Variants in ACOT6 observed in about 807,000 individuals in gnomAD.
ACOT6 encodes the protein acyl-CoA thioesterase 6, also known as acyl-coenzyme A thioesterase 6.
In ACOT6, 14 loss-of-function variants were observed where a neutral mutation model predicts 12.3. The ratio of observed to expected loss-of-function variants is 1.14; its 90% confidence interval spans 0.75 to 1.78. The LOEUF (loss-of-function observed/expected upper bound fraction) is 1.78, where lower values mean the gene tolerates loss of function less well. Among genes scored for constraint, ACOT6 ranks in the 40% most tolerant of loss-of-function variants. The probability of loss-of-function intolerance (pLI) is 0.00; values close to 1 mark genes in which losing one functional copy is unlikely to be tolerated. For synonymous variants in ACOT6, 218 were observed against 231.3 expected, an observed-to-expected ratio of 0.94 and a Z score of 0.52; for missense variants, 523 against 551.8, an observed-to-expected ratio of 0.95 and a Z score of 0.52.
chr14:73,615,479 C>T (rs1156468650), intron 1 of ACOT6, among the ~76,000 whole-genome samples: 1 of 150,756 alleles, frequency 6.6e-6, no homozygotes, highest in Non-Finnish European at 1.5e-5. Context: ...GCCTGTAATC[C>T]CAACACTTCG....
chr14:73,617,524 A>G (rs1368397361), intron 2 of ACOT6, among the ~76,000 whole-genome samples: 2 of 152,166 alleles, frequency 1.3e-5, no homozygotes, highest in Admixed American at 1.3e-4. Context: ...AGACTTGACT[A>G]TTTAGTTGTC....
chr14:73,619,362 T>C lies in ACOT6; in HGVS notation c.789T>C (p.Ala263=). 1 of 1,614,174 alleles carries C rather than the reference T, an allele frequency of 6.2e-7. No homozygotes were observed. The highest frequency in any genetic ancestry group is 8.5e-7 in the Non-Finnish European group (1 of 1,180,042). Residue 263 remains alanine, a synonymous_variant, in exon 3 of 3, where the codon GCT becomes GCC. Coordinates refer to ENST00000645972, the MANE Select transcript of ACOT6 (RefSeq NM_001365788.1). ...LINACVANTV[A]PLHYKDMIIP... ...ATGCCTGTGTAGCCAACACAGTAGC[T>C]CCTCTACATTACAAGGATATGATTA...
Position 73,617,060 on chromosome 14 carries a change from C to G in ACOT6, c.528C>G (p.Ser176Arg). 1.5e-6 allele frequency: 2 copies of G among 1,315,808 alleles called. No individual in the cohort carries two copies. The highest frequency in any genetic ancestry group is 1.1e-6 in the Non-Finnish European group (1 of 911,472). The allele number at this position is 1,315,808 out of a possible 1,614,324, so 81.5% of individuals were successfully genotyped here. The change falls in exon 2 of 3, where the codon AGC becomes AGG. Residue 176 changes from serine to arginine, a missense_variant. Coordinates refer to ENST00000645972, the MANE Select transcript of ACOT6 (RefSeq NM_001365788.1). ...GGGGCCTTTGTGAATACAGGGCCAGCCTCCTGGCCGGACATGGTTTTGCTG... is the reference window on the plus strand; with the variant it reads ...GGGGCCTTTGTGAATACAGGGCCAGGCTCCTGGCCGGACATGGTTTTGCTG... ...SSRGLCEYRA[S>R]LLAGHGFAVL... is the part of the protein sequence containing the mutation.
chr14:73,615,607 G>GTAA (rs1039879043), intron 1 of ACOT6, among the ~76,000 whole-genome samples: 1 of 151,856 alleles, frequency 6.6e-6, no homozygotes, highest in African/African-American at 2.4e-5. Context: ...GCACATGCCT[G>GTAA]TAATACCAAC....
At chr14:73,618,623 GAAAAT>G (rs58429599) in intron 2 of ACOT6, among the ~76,000 whole-genome samples, 78,917 of 148,624 alleles carry the variant, frequency 0.53, 22,092 homozygotes, top group East Asian at 0.85. Context: ...CAAGGCAGGA[GAAAAT>G]AATATACTGT....
chr14:73,617,974 A>G (rs977249532), intron 2 of ACOT6, among the ~76,000 whole-genome samples: 1 of 151,436 alleles, frequency 6.6e-6, no homozygotes, highest in Non-Finnish European at 1.5e-5. Context: ...GTGAAACCCC[A>G]TCTACTAAAG....
At chr14:73,614,129 A>C (rs1383524845) in intron 1 of ACOT6, among the ~76,000 whole-genome samples, 1 of 151,724 alleles carries the variant, frequency 6.6e-6, no homozygotes, top group East Asian at 1.9e-4. Context: ...TGATATCAGG[A>C]AGTAGAGGTT....
At chr14:73,617,830 A>G (rs897608371) in intron 2 of ACOT6, among the ~76,000 whole-genome samples, 15 of 152,242 alleles carry the variant, frequency 9.9e-5, no homozygotes, top group African/African-American at 3.6e-4. Context: ...TCCTTATCTG[A>G]TAACAGAAAT....
Position 73,619,853 on chromosome 14 carries a change from G to A in ACOT6, c.*14G>A. The A allele has an allele frequency of 6.4e-7, 1 of 1,551,374 alleles. No homozygotes were observed. Among genetic ancestry groups the A allele is most frequent in the South Asian group, 1.2e-5 (1 of 81,646 alleles). Reference sequence around the variant, plus strand: ...AGCAAAATATAACATTGTAGCCACAGACCAGATACCATTAATAAAAATCCT... The same window carrying A: ...AGCAAAATATAACATTGTAGCCACAAACCAGATACCATTAATAAAAATCCT... On this transcript the variant is annotated 3_prime_UTR_variant, in exon 3 of 3. Coordinates refer to ENST00000645972, the MANE Select transcript of ACOT6 (RefSeq NM_001365788.1).
In ACOT6 at chr14:73,612,609, G is replaced by A. The variant is rs923643556; in HGVS notation, c.38G>A (p.Cys13Tyr). The change falls in exon 1 of 3, where the codon TGC (cysteine) becomes TAC (tyrosine). Residue 13 changes from cysteine (C) to tyrosine (Y), a missense_variant. Physicochemically the swap from Cys to Tyr is radical, Grantham distance 194. Transcript: ENST00000645972. ...ATLILEPAGRCCWDEPLRIAV... is the reference protein window; with the variant it reads ...ATLILEPAGRYCWDEPLRIAV... ...CTGATCCTGGAGCCCGCGGGCCGCT[G>A]CTGCTGGGACGAGCCGCTGCGCATC... 4.2e-6 allele frequency: 6 copies of A among 1,418,702 alleles called. No homozygotes were observed. Among genetic ancestry groups the A allele is most frequent in the Non-Finnish European group, 4.6e-6 (5 of 1,081,302 alleles). 87.9% of individuals were successfully genotyped at this position (1,418,702 alleles called of 1,614,324 possible).
rs143483409 is a variant in ACOT6 at position 73,619,698 on chromosome 14, C to T, written c.1125C>T (p.His375=). ...TTCCTCCTTCTAGAGCTTCTGTGCA[C>T]GCTGTTTTGGGTGAGGCAATATTCT... ...PYFPPSRASV[H]AVLGEAIFYG... Residue 375 remains histidine (H), a synonymous_variant, in exon 3 of 3, where the codon CAC becomes CAT. Coordinates refer to ENST00000645972, the MANE Select transcript of ACOT6 (RefSeq NM_001365788.1). The T allele has an allele frequency of 1.6e-4, 254 of 1,614,028 alleles. No homozygotes were observed. The highest frequency in any genetic ancestry group is 1.7e-4 in the Admixed American group (10 of 59,996).
upstream of ACOT6, chr14:73,612,462 G>A (rs751630056): frequency 3.6e-5 from 26 of 714,894 alleles, no homozygotes; most frequent in African/African-American, 5.6e-5. Flanking sequence ...CAACCAATGG[G>A]AGTAGTGTTA....
chr14:73,617,072 A>G lies in ACOT6; in HGVS notation c.540A>G (p.Gly180=). The stretch of plus-strand genomic sequence containing the variant: ...AATACAGGGCCAGCCTCCTGGCCGG[A>G]CATGGTTTTGCTGTGCTTGCCCTGG... The part of the protein sequence containing the change: ...LCEYRASLLA[G]HGFAVLALAY... The change falls in exon 2 of 3, where the codon GGA becomes GGG. Residue 180 remains glycine (G), a synonymous_variant. Coordinates refer to ENST00000645972, the MANE Select transcript of ACOT6 (RefSeq NM_001365788.1). The G allele has an allele frequency of 2.1e-6, 3 of 1,439,974 alleles. No individual in the cohort carries two copies. The highest frequency in any genetic ancestry group is 2.9e-6 in the Non-Finnish European group (3 of 1,022,894). The allele number at this position is 1,439,974 out of a possible 1,614,324, so 89.2% of individuals were successfully genotyped here.
At chr14:73,611,896 C>T (rs761546959), upstream of ACOT6, among the ~76,000 whole-genome samples, 15 of 152,056 alleles carry the variant, frequency 9.9e-5, no homozygotes, top group Non-Finnish European at 1.9e-4. Context: ...CATGTTTCTC[C>T]AAGGGGTCAC....
In ACOT6 at chr14:73,619,106, G is replaced by A. The variant is rs1890587575; in HGVS notation, c.661-128G>A. On this transcript the variant is annotated intron_variant, in intron 2 of 2. Transcript: ENST00000645972. ...GATTGCACCACTGCACTCCAGCCTG[G>A]GTGACAGAGCGAGACTCCATCTCAA... 2.4e-6 allele frequency: 3 copies of A among 1,237,566 alleles called. No homozygotes were observed. The African/African-American group carries it at 4.6e-5, about 19-fold the overall frequency. 76.7% of individuals were successfully genotyped at this position (1,237,566 alleles called of 1,614,324 possible).
At chr14:73,617,235 A>G (rs892984610) in intron 2 of ACOT6, 43 bp downstream of exon 2, 2 of 1,613,552 alleles carry the variant, frequency 1.2e-6, no homozygotes, top group East Asian at 2.2e-5. Context: ...GAGGGGATAG[A>G]GCTGATGCAG....
chr14:73,613,131 T>C, intron 1 of ACOT6, 99 bp downstream of exon 1: 2 of 498,678 alleles, frequency 4.0e-6, no homozygotes, highest in Non-Finnish European at 6.9e-6. Context: ...ACTTGTTCCT[T>C]CGCTCCAGAG....
At chr14:73,616,047 A>G (rs1890531300) in intron 1 of ACOT6, among the ~76,000 whole-genome samples, 1 of 151,588 alleles carries the variant, frequency 6.6e-6, no homozygotes, top group African/African-American at 2.4e-5. Flanking sequence ...GGTCACCACA[A>G]ACTGGAACTC....
In ACOT6 at chr14:73,619,302, T is replaced by C; in HGVS notation, c.729T>C (p.Ser243=). ...GTGACCTGTGTCTCTCAATGGCTTC[T>C]TTCTTGAAGGGCATCACAGCCACTG... The part of the protein sequence containing the change: ...KGGDLCLSMA[S]FLKGITATVL... Residue 243 remains serine (S), a synonymous_variant, in exon 3 of 3, where the codon TCT becomes TCC. Coordinates refer to ENST00000645972, the MANE Select transcript of ACOT6 (RefSeq NM_001365788.1). The C allele has an allele frequency of 5.0e-6, 8 of 1,613,006 alleles. No homozygotes were observed. Among genetic ancestry groups the C allele is most frequent in the Non-Finnish European group, 6.8e-6 (8 of 1,179,754 alleles).
Sources: gnomAD v4.1 joint callset for allele counts (sites outside exome capture counted in the v4.1 genomes callset) on GRCh38, gnomAD v4.1.1 for gene constraint, MANE v1.5 for transcripts, NCBI Gene and HGNC (gene_info 2026-07-23, HGNC 2026-07-21) for gene names.